Variants in CYP39A1 observed in about 807,000 individuals in gnomAD.
The protein encoded by CYP39A1 is 24-hydroxycholesterol 7-alpha-hydroxylase.
Under a neutral mutation model 58.1 loss-of-function variants are expected in CYP39A1, and 49 were observed. The ratio of observed to expected loss-of-function variants is 0.84; its 90% CI spans 0.67 to 1.07. CYP39A1 has a LOEUF of 1.07. Ranked by LOEUF, CYP39A1 falls within the 50% of genes least tolerant of loss-of-function variation. The probability of loss-of-function intolerance (pLI) is 0.00; values close to 1 mark genes in which losing one functional copy is unlikely to be tolerated. For missense variants in CYP39A1, 531 were observed against 539.4 expected (o/e 0.98, Z 0.16); for synonymous variants, 209 against 187.6 (o/e 1.11, Z -0.93).
chr6:46,574,616 A>C (rs1265403235), intron 10 of CYP39A1, among the ~76,000 whole-genome samples: 1 of 152,166 alleles, frequency 6.6e-6, no homozygotes, highest in Non-Finnish European at 1.5e-5. Context: ...TTCAGTTAAG[A>C]TGAGATGAGA....
intron 9 of CYP39A1, among the ~76,000 whole-genome samples, 160 bp from the exon 10 acceptor site, chr6:46,587,325 T>C (rs1302365517): frequency 2.0e-5 from 3 of 152,142 alleles, no homozygotes; most frequent in South Asian, 4.1e-4. Context: ...TTAGACACAA[T>C]TGTGTTTCTG....
At chr6:46,624,033 T>C (rs1002068709) in intron 7 of CYP39A1, among the ~76,000 whole-genome samples, 3 of 152,046 alleles carry the variant, frequency 2.0e-5, no homozygotes, top group Admixed American at 6.6e-5. Flanking sequence ...AACAATAACA[T>C]AGAAAAAGCA....
intron 7 of CYP39A1, among the ~76,000 whole-genome samples, chr6:46,606,379 G>A (rs769813946): frequency 2.6e-5 from 4 of 152,072 alleles, no homozygotes; most frequent in East Asian, 1.9e-4. Context: ...CTAAGTTTTC[G>A]AATGATTCTT....
At chr6:46,624,796 C>T (rs1775202817) in intron 7 of CYP39A1, among the ~76,000 whole-genome samples, 1 of 152,108 alleles carries the variant, frequency 6.6e-6, no homozygotes, top group African/African-American at 2.4e-5. Flanking sequence ...TGAGTACTCT[C>T]TATTCAAGCT....
In CYP39A1 at chr6:46,602,933, G is replaced by GGGA. The variant is rs1554161684; in HGVS notation, c.932-6814_932-6813insTCC. 4.2e-3 allele frequency among the ~76,000 whole-genome samples: 548 copies of GGGA among 130,828 alleles called. 10 individuals carry two copies. The highest frequency in any genetic ancestry group is 0.014 in the African/African-American group (497 of 35,746). The allele number at this position is 130,828 out of a possible 152,430, so 85.8% of individuals were successfully genotyped here. On this transcript the variant is annotated intron_variant, in intron 7 of 11. Transcript: ENST00000275016. ...CCACTAAATATAAAATGGGGGGGGGGAGCTTTATTTCTTCTTCTGAACAAT... is the reference window on the plus strand; with the variant it reads ...CCACTAAATATAAAATGGGGGGGGGGGGAAGCTTTATTTCTTCTTCTGAACAAT...
chr6:46,611,691 T>C (rs1234429613), intron 7 of CYP39A1, among the ~76,000 whole-genome samples: 1 of 152,030 alleles, frequency 6.6e-6, no homozygotes, highest in African/African-American at 2.4e-5. Flanking sequence ...TTTCAAGGAA[T>C]AAAGGATATA....
chr6:46,602,072 C>T (rs9472789), intron 7 of CYP39A1, among the ~76,000 whole-genome samples: 1 of 152,008 alleles, frequency 6.6e-6, no homozygotes, highest in African/African-American at 2.4e-5. Context: ...TAGATCTGTT[C>T]TTCGATGTAT....
intron 7 of CYP39A1, among the ~76,000 whole-genome samples, chr6:46,604,428 C>T (rs1773713841): frequency 6.6e-6 from 1 of 152,144 alleles, no homozygotes; most frequent in South Asian, 2.1e-4. Flanking sequence ...ACACATGGAA[C>T]CTAAGGGAAA....
chr6:46,592,391 C>T (rs1387642057), intron 8 of CYP39A1, among the ~76,000 whole-genome samples: 3 of 152,116 alleles, frequency 2.0e-5, no homozygotes, highest in Admixed American at 2.0e-4. Flanking sequence ...TATCGTTAAA[C>T]TTCAGTTCAG....
chr6:46,572,699 A>G (rs1412932790), intron 10 of CYP39A1, among the ~76,000 whole-genome samples: 2 of 152,144 alleles, frequency 1.3e-5, no homozygotes, highest in Non-Finnish European at 1.5e-5. Flanking sequence ...GTAAATGTCC[A>G]TATCTCTCTC....
At chr6:46,634,616 G>C (rs1420793264) in intron 5 of CYP39A1, among the ~76,000 whole-genome samples, 1 of 148,870 alleles carries the variant, frequency 6.7e-6, no homozygotes, top group Non-Finnish European at 1.5e-5. Flanking sequence ...CCGCCTCCCA[G>C]GTTCAAGCAA....
At chr6:46,605,866 G>A (rs1773813996) in intron 7 of CYP39A1, among the ~76,000 whole-genome samples, 1 of 151,798 alleles carries the variant, frequency 6.6e-6, no homozygotes, top group African/African-American at 2.4e-5. Flanking sequence ...TCTATTTACA[G>A]CATCTACACT....
intron 1 of CYP39A1, among the ~76,000 whole-genome samples, chr6:46,647,969 C>G (rs1457143069): frequency 1.3e-5 from 2 of 152,198 alleles, no homozygotes; most frequent in East Asian, 3.9e-4. Context: ...GAGATACCAT[C>G]TCACACCAGT....
intron 4 of CYP39A1, among the ~76,000 whole-genome samples, chr6:46,636,836 C>T (rs956035850): frequency 6.6e-6 from 1 of 152,062 alleles, no homozygotes; most frequent in Non-Finnish European, 1.5e-5. Flanking sequence ...TGACTTAAGC[C>T]GGGAAAAACA....
At chr6:46,628,525 A>G (rs1352766461) in intron 6 of CYP39A1, among the ~76,000 whole-genome samples, 4 of 152,232 alleles carry the variant, frequency 2.6e-5, no homozygotes, top group African/African-American at 9.6e-5. Context: ...TTTCCCATAA[A>G]AATAATTTCA....
intron 1 of CYP39A1, among the ~76,000 whole-genome samples, chr6:46,647,168 T>G (rs548789448): frequency 4.6e-5 from 7 of 152,150 alleles, no homozygotes; most frequent in Non-Finnish European, 1.0e-4. Context: ...CACATAGTGA[T>G]AGAAATTATG....
chr6:46,550,253 G>C lies in CYP39A1; in HGVS notation c.*113C>G. On this transcript the variant is annotated 3_prime_UTR_variant, in exon 12 of 12. Transcript: ENST00000275016. ...CCATTTGAATGTGTTCTTGAACTAA[G>C]TCCTAAAACAAAGTGAAGCAGTGTG... The C allele has an allele frequency of 1.3e-6, 1 of 752,682 alleles. No homozygotes were observed. The highest frequency in any genetic ancestry group is 2.2e-6 in the Non-Finnish European group (1 of 458,340). The allele number at this position is 752,682 out of a possible 1,614,324, so 46.6% of individuals were successfully genotyped here.
chr6:46,574,230 T>G (rs1313943228), intron 10 of CYP39A1, among the ~76,000 whole-genome samples: 2 of 152,204 alleles, frequency 1.3e-5, no homozygotes, highest in Non-Finnish European at 2.9e-5. Context: ...ATGAAGATCC[T>G]GGAAGGAATG....
chr6:46,650,484 CTTTTTTTTTTTTTTT>C lies in CYP39A1; in HGVS notation c.177+1907_177+1921del, dbSNP rs567314746. 2.1e-3 allele frequency among the ~76,000 whole-genome samples: 75 copies of C among 35,190 alleles called. 1 individual carries two copies. The highest frequency in any genetic ancestry group is 2.9e-3 in the African/African-American group (22 of 7,712). 23.1% of individuals were successfully genotyped at this position (35,190 alleles called of 152,430 possible). ...AAACATCAAATAATGCAGTCATATT[CTTTTTTTTTTTTTTT>C]TTTTTTTTTTTTTTTTTTTTAAGAG... On this transcript the variant is annotated intron_variant, in intron 1 of 11. Transcript: ENST00000275016.
Sources: gnomAD v4.1 joint callset for allele counts (sites outside exome capture counted in the v4.1 genomes callset) on GRCh38, gnomAD v4.1.1 for gene constraint, MANE v1.5 for transcripts, NCBI Gene and HGNC (gene_info 2026-07-23, HGNC 2026-07-21) for gene names.